The following FUNDC1 variants were observed in gnomAD, a reference collection of about 807,000 sequenced individuals.
FUNDC1 encodes FUN14 domain containing 1, also known as FUN14 domain-containing protein 1.
Under a neutral mutation model 14.5 loss-of-function variants are expected in FUNDC1, and 10 were observed. The ratio of observed to expected loss-of-function variants is 0.69; its 90% CI spans 0.43 to 1.17. The LOEUF (loss-of-function observed/expected upper bound fraction) is 1.17, where lower values mean the gene tolerates loss of function less well. Ranked by LOEUF, FUNDC1 falls within the 50% of genes most tolerant of loss-of-function variation. FUNDC1 has a pLI of 0.00. For missense variants in FUNDC1, 115 were observed against 113.8 expected, an observed-to-expected ratio of 1.01 and a Z score of -0.05; for synonymous variants, 33 against 39.7, an observed-to-expected ratio of 0.83 and a Z score of 0.64.
In FUNDC1 at chrX:44,534,918, G is replaced by A. The variant is rs780958283; in HGVS notation, c.261+3549C>T. Among the ~76,000 whole-genome samples the A allele has an allele frequency of 4.5e-5, 5 of 111,758 alleles. No individual in the cohort carries two copies. The East Asian group carries it at 1.1e-3, about 25-fold the overall frequency. ...TCCCAACACTTTGGGAGGCCAAGGC[G>A]GGTGGAATGCTTGAGCCCAGGAGTT... On this transcript the variant is annotated intron_variant, in intron 3 of 4. Coordinates refer to ENST00000378045, the MANE Select transcript of FUNDC1 (RefSeq NM_173794.4).
At chrX:44,534,075 A>C (rs2038937965) in intron 3 of FUNDC1, among the ~76,000 whole-genome samples, 1 of 110,225 alleles carries the variant, frequency 9.1e-6, no homozygotes, top group African/African-American at 3.3e-5. Flanking sequence ...CAAAAAAAAA[A>C]CAAAAAACAA....
At chrX:44,525,470 T>G in intron 4 of FUNDC1, among the ~76,000 whole-genome samples, 1 of 107,599 alleles carries the variant, frequency 9.3e-6, no homozygotes, top group African/African-American at 3.4e-5. Context: ...ATTACAGGAG[T>G]GAACTACTGT....
At chrX:44,542,282 G>A in intron 1 of FUNDC1, 181 bp from the exon 2 acceptor site, 2 of 427,245 alleles carry the variant, frequency 4.7e-6, no homozygotes, top group Non-Finnish European at 8.0e-6. Context: ...AAGAGTAAAG[G>A]ACCCTGCAAC....
intron 3 of FUNDC1, among the ~76,000 whole-genome samples, chrX:44,530,348 G>A (rs1411084170): frequency 1.8e-5 from 2 of 112,203 alleles, no homozygotes; most frequent in African/African-American, 6.5e-5. Context: ...GCTCACGCCT[G>A]TAATGTTAGC....
chrX:44,531,290 T>C (rs1392816721), intron 3 of FUNDC1, among the ~76,000 whole-genome samples: 2 of 23,233 alleles, frequency 8.6e-5, no homozygotes, highest in Non-Finnish European at 1.3e-4. Flanking sequence ...ACACACGGCT[T>C]TCAGATGAAG....
intron 3 of FUNDC1, among the ~76,000 whole-genome samples, chrX:44,537,740 A>G (rs1396169441): frequency 8.9e-6 from 1 of 111,920 alleles, no homozygotes; most frequent in African/African-American, 3.2e-5. Flanking sequence ...AGTTCTCTGT[A>G]TCTTTAAAAG....
At chrX:44,524,834 A>G (rs2038894646) in intron 4 of FUNDC1, among the ~76,000 whole-genome samples, 1 of 111,397 alleles carries the variant, frequency 9.0e-6, no homozygotes, top group South Asian at 3.8e-4. Flanking sequence ...TAATAAGTAT[A>G]TGGGCAGCAA....
intron 3 of FUNDC1, among the ~76,000 whole-genome samples, chrX:44,534,329 A>T (rs929823576): frequency 1.8e-5 from 2 of 111,137 alleles, no homozygotes; most frequent in Non-Finnish European, 3.8e-5. Context: ...ATTTAAAAAA[A>T]ATTAAAAATA....
intron 4 of FUNDC1, among the ~76,000 whole-genome samples, chrX:44,526,601 TTATC>T (rs1261649092): frequency 9.1e-6 from 1 of 109,989 alleles, no homozygotes; most frequent in Admixed American, 9.8e-5. Flanking sequence ...GGAAAAAAAA[TTATC>T]TGTGTGTGTC....
chrX:44,541,878 C>T, intron 2 of FUNDC1, 67 bp downstream of exon 2: 8 of 1,008,614 alleles, frequency 7.9e-6, no homozygotes, highest in Non-Finnish European at 1.1e-5. Flanking sequence ...TGATTCTTGC[C>T]CATGTATGAA....
intron 3 of FUNDC1, among the ~76,000 whole-genome samples, chrX:44,532,789 C>G (rs971196924): frequency 5.4e-5 from 6 of 110,324 alleles, no homozygotes; most frequent in Admixed American, 9.7e-5. Flanking sequence ...TGACCTCAGG[C>G]GATCCGCCCG....
intron 3 of FUNDC1, among the ~76,000 whole-genome samples, chrX:44,536,367 A>T (rs751216830): frequency 9.1e-6 from 1 of 110,231 alleles, no homozygotes; most frequent in East Asian, 2.8e-4. Context: ...AATAATGGCC[A>T]AAACCTTCCC....
At chrX:44,527,951 G>C (rs142033480) in intron 3 of FUNDC1, among the ~76,000 whole-genome samples, 1 of 111,117 alleles carries the variant, frequency 9.0e-6, no homozygotes, top group African/African-American at 3.3e-5. Context: ...AAAACAAACT[G>C]CACTCTACAC....
At chrX:44,538,388 C>G in intron 3 of FUNDC1, 79 bp downstream of exon 3, 1 of 689,233 alleles carries the variant, frequency 1.5e-6, no homozygotes, top group Non-Finnish European at 2.3e-6. Flanking sequence ...CTCATTGTAG[C>G]TCTTCCATAA....
At chrX:44,535,005 G>A (rs768843302) in intron 3 of FUNDC1, among the ~76,000 whole-genome samples, 3 of 111,072 alleles carry the variant, frequency 2.7e-5, no homozygotes, top group Non-Finnish European at 3.8e-5. Flanking sequence ...AAAATTAGCG[G>A]GCATGTGGCA....
chrX:44,533,924 G>A (rs2038937393), intron 3 of FUNDC1, among the ~76,000 whole-genome samples: 1 of 106,215 alleles, frequency 9.4e-6, no homozygotes, highest in African/African-American at 3.4e-5. Context: ...AATTAGCCAG[G>A]CATGGTGGTG....
chrX:44,531,789 CACA>C, intron 3 of FUNDC1, among the ~76,000 whole-genome samples: 1 of 109,333 alleles, frequency 9.1e-6, no homozygotes, highest in Non-Finnish European at 1.9e-5. Flanking sequence ...CACACACACA[CACA>C]CACACACACA....
At chrX:44,538,640 T>C (rs41298444) in intron 2 of FUNDC1, 98 bp from the exon 3 acceptor site, 49,045 of 664,661 alleles carry the variant, frequency 0.074, 3,409 homozygotes, top group African/African-American at 0.39. Flanking sequence ...CTTATGTCTT[T>C]GCATTTCTTT....
chrX:44,530,633 G>A (rs1330330748), intron 3 of FUNDC1, among the ~76,000 whole-genome samples: 1 of 106,359 alleles, frequency 9.4e-6, no homozygotes, highest in Non-Finnish European at 1.9e-5. Flanking sequence ...GATGACAGAG[G>A]GGCTGGGCGT....
Sources: allele counts gnomAD v4.1 joint callset (sites outside exome capture counted in the v4.1 genomes callset), GRCh38; gene constraint gnomAD v4.1.1; transcripts MANE v1.5; gene names NCBI Gene and HGNC (gene_info 2026-07-23, HGNC 2026-07-21).